The following DTX3L variants were observed in gnomAD, a reference collection of about 807,000 sequenced individuals.
DTX3L encodes deltex E3 ubiquitin ligase 3L.
In DTX3L, 34 loss-of-function variants were observed where a neutral mutation model predicts 60.9. The observed-to-expected ratio is 0.56, with a 90% CI of 0.42 to 0.74. The LOEUF is 0.74. DTX3L is among the 30% of genes least tolerant of loss of function. The probability of loss-of-function intolerance (pLI) is 0.00; values close to 1 mark genes in which losing one functional copy is unlikely to be tolerated. For synonymous variants in DTX3L, 290 were observed against 316.6 expected (o/e 0.92, Z 0.89); for missense variants, 810 against 874.0 (o/e 0.93, Z 0.92).
chr3:122,566,702 G>T (rs1201728901), intron 2 of DTX3L, among the ~76,000 whole-genome samples: 1 of 152,076 alleles, frequency 6.6e-6, no homozygotes, highest in African/African-American at 2.4e-5. Context: ...CAACTTGACT[G>T]AGGAGGTGAT....
chr3:122,569,750 A>G lies in DTX3L; in HGVS notation c.1661A>G (p.Asp554Gly). Reference protein sequence around the residue: ...GSVSSEASELDKKEKGICVIC... With the variant: ...GSVSSEASELGKKEKGICVIC... ...GTGAGTTCTGAGGCCTCAGAACTGG[A>G]CAAGAAGGAAAAGGGCATCTGTGTC... The change falls in exon 3 of 5, where the codon GAC becomes GGC. Residue 554 changes from aspartate (D) to glycine (G), a missense_variant. Coordinates refer to ENST00000296161, the MANE Select transcript of DTX3L (RefSeq NM_138287.3). 1 of 1,614,144 alleles carries G rather than the reference A, an allele frequency of 6.2e-7. No individual in the cohort carries two copies. The highest frequency in any genetic ancestry group is 8.5e-7 in the Non-Finnish European group (1 of 1,180,012).
At position 122,568,694 on chromosome 3, in the gene DTX3L, C is replaced by T; in HGVS notation, c.605C>T (p.Ser202Phe). Residue 202 changes from serine to phenylalanine, a missense_variant, in exon 3 of 5, where the codon TCC becomes TTC. Physicochemically the swap from Ser to Phe is radical, Grantham distance 155. Coordinates refer to ENST00000296161, the MANE Select transcript of DTX3L (RefSeq NM_138287.3). Reference sequence around the variant, plus strand: ...GAAAGTGAGCAGAAACAACAATTTTCCCCTTCAATGACAGAGAGGAAGCCA... The same window carrying T: ...GAAAGTGAGCAGAAACAACAATTTTTCCCTTCAATGACAGAGAGGAAGCCA... ...FLESEQKQQFSPSMTERKPLS... is the reference protein window; with the variant it reads ...FLESEQKQQFFPSMTERKPLS... 6.2e-7 allele frequency: 1 copy of T among 1,614,172 alleles called. No individual in the cohort carries two copies. The highest frequency in any genetic ancestry group is 8.5e-7 in the Non-Finnish European group (1 of 1,180,036).
chr3:122,564,411 C>T lies in DTX3L; in HGVS notation c.-16C>T, dbSNP rs1386197525. The T allele has an allele frequency of 6.2e-7, 1 of 1,602,134 alleles. No individual in the cohort carries two copies. The highest frequency in any genetic ancestry group is 8.5e-7 in the Non-Finnish European group (1 of 1,175,014). ...CTGCCTCCCGGAGCCCCCGCGCCCT[C>T]CCGACGCGCAGAGCCATGGCCTCCC... On this transcript the variant is annotated 5_prime_UTR_variant, in exon 1 of 5. Transcript: ENST00000296161.
Position 122,573,269 on chromosome 3 carries a change from GA to G in DTX3L, c.*1523del, listed in dbSNP as rs1246673344. Reference sequence around the variant, plus strand: ...CCCGTTAGGCTTCACCTCCAACACTGAGGATCAAATTTCAACATGAGATTTG... The same window carrying G: ...CCCGTTAGGCTTCACCTCCAACACTGGGATCAAATTTCAACATGAGATTTG... On this transcript the variant is annotated 3_prime_UTR_variant, in exon 5 of 5. Coordinates refer to ENST00000296161, the MANE Select transcript of DTX3L (RefSeq NM_138287.3). The G allele has an allele frequency of 6.6e-6, 1 of 152,202 alleles. No individual in the cohort carries two copies. The allele number at this position is 152,202 out of a possible 1,614,324, so 9.4% of individuals were successfully genotyped here.
At chr3:122,565,367 C>T (rs1427124011) in intron 1 of DTX3L, among the ~76,000 whole-genome samples, 1 of 151,698 alleles carries the variant, frequency 6.6e-6, no homozygotes, top group African/African-American at 2.4e-5. Flanking sequence ...CAAAAATTAC[C>T]CGGGCATGGT....
intron 2 of DTX3L, among the ~76,000 whole-genome samples, chr3:122,567,618 A>G (rs187813686): frequency 6.6e-6 from 1 of 152,208 alleles, no homozygotes; most frequent in East Asian, 1.9e-4. Context: ...ACAACTTTGC[A>G]TGCAGTCGAG....
rs1373763460 is a variant in DTX3L, at chr3:122,565,961, C to A, written c.290C>A (p.Thr97Lys). 1.2e-6 allele frequency: 2 copies of A among 1,614,164 alleles called. No individual in the cohort carries two copies. The highest frequency in any genetic ancestry group is 2.2e-5 in the South Asian group (2 of 91,088). ...ACTGAAAATTCAATAAAGAAGAACA[C>A]GAGACCTCAAATTTCTTCACTGACA... Reference protein sequence around the residue: ...VPTENSIKKNTRPQISSLTQS... With the variant: ...VPTENSIKKNKRPQISSLTQS... Residue 97 changes from threonine (T) to lysine (K), a missense_variant, in exon 2 of 5, where the codon ACG becomes AAG. Coordinates refer to ENST00000296161, the MANE Select transcript of DTX3L (RefSeq NM_138287.3).
chr3:122,568,671 A>AATTTTTG lies in DTX3L; in HGVS notation c.583_584insTTTTTGA (p.Ser195IlefsTer4). The AATTTTTG allele has an allele frequency of 1.9e-6, 3 of 1,614,208 alleles. No homozygotes were observed. Among genetic ancestry groups the AATTTTTG allele is most frequent in the Non-Finnish European group, 2.5e-6 (3 of 1,180,040 alleles). ...AATTTTTGAGTGAGCAGTTCCTGGAAAGTGAGCAGAAACAACAATTTTCCC... is the reference window on the plus strand; with the variant it reads ...AATTTTTGAGTGAGCAGTTCCTGGAAATTTTTGAGTGAGCAGAAACAACAATTTTCCC... On this transcript the variant is annotated frameshift_variant, in exon 3 of 5. Transcript: ENST00000296161. LOFTEE classifies it high-confidence loss of function.
In DTX3L at chr3:122,565,894, A is replaced by G. The variant is rs1475247988; in HGVS notation, c.223A>G (p.Ile75Val). The change falls in exon 2 of 5, where the codon ATA becomes GTA. Residue 75 changes from isoleucine to valine, a missense_variant. Physicochemically the swap from Ile to Val is conservative, Grantham distance 29. Transcript: ENST00000296161. Reference protein sequence around the residue: ...ERVLKKGEHQILVDEKPVPIF... With the variant: ...ERVLKKGEHQVLVDEKPVPIF... The stretch of plus-strand genomic sequence containing the variant: ...AGTGTTGAAAAAAGGAGAGCACCAA[A>G]TACTTGTTGACGAAAAACCTGTGCC... 1 of 1,614,030 alleles carries G rather than the reference A, an allele frequency of 6.2e-7. No individual in the cohort carries two copies. Among genetic ancestry groups the G allele is most frequent in the Non-Finnish European group, 8.5e-7 (1 of 1,180,040 alleles).
At chr3:122,564,977 T>A (rs1333005446) in intron 1 of DTX3L, among the ~76,000 whole-genome samples, 2 of 152,230 alleles carry the variant, frequency 1.3e-5, no homozygotes, top group Non-Finnish European at 2.9e-5. Context: ...GTTCCATTGT[T>A]CCATCCATGA....
chr3:122,569,790 C>A lies in DTX3L; in HGVS notation c.1701C>A (p.Thr567=), dbSNP rs756867563. 14 of 1,613,988 alleles carry A rather than the reference C, an allele frequency of 8.7e-6. No individual in the cohort carries two copies. The South Asian group carries it at 1.5e-4, about 18-fold the overall frequency. Reference sequence around the variant, plus strand: ...GCATCTGTGTCATCTGTATGGACACCATTAGTAACAAAAAAGTGCTACCAA... The same window carrying A: ...GCATCTGTGTCATCTGTATGGACACAATTAGTAACAAAAAAGTGCTACCAA... ...EKGICVICMD[T]ISNKKVLPKC... The change falls in exon 3 of 5, where the codon ACC becomes ACA. Residue 567 remains threonine, a synonymous_variant. Coordinates refer to ENST00000296161, the MANE Select transcript of DTX3L (RefSeq NM_138287.3).
chr3:122,570,951 C>T (rs775546230), intron 4 of DTX3L, among the ~76,000 whole-genome samples: 10 of 152,082 alleles, frequency 6.6e-5, no homozygotes, highest in Admixed American at 2.6e-4. Flanking sequence ...TAATTTGAGG[C>T]GTTGTGTCTA....
chr3:122,571,440 T>C (rs1292843621), intron 4 of DTX3L, among the ~76,000 whole-genome samples: 1 of 152,178 alleles, frequency 6.6e-6, no homozygotes, highest in East Asian at 1.9e-4. Flanking sequence ...TATTAATACT[T>C]TGTAGTTGGC....
At chr3:122,566,422 A>G (rs959465653) in intron 2 of DTX3L, among the ~76,000 whole-genome samples, 2 of 152,138 alleles carry the variant, frequency 1.3e-5, no homozygotes, top group African/African-American at 4.8e-5. Flanking sequence ...GCTGGAGTAC[A>G]GTGGCACAAT....
intron 2 of DTX3L, among the ~76,000 whole-genome samples, 179 bp from the exon 3 acceptor site, chr3:122,568,310 G>GAAAGAAAT: frequency 6.7e-6 from 1 of 148,442 alleles, no homozygotes; most frequent in African/African-American, 2.5e-5. Flanking sequence ...ACTCCATCTT[G>GAAAGAAAT]AAATAAATAA....
rs1163636678 is a variant in DTX3L, at chr3:122,573,173, G to C, written c.*1426G>C. On this transcript the variant is annotated 3_prime_UTR_variant, in exon 5 of 5. Coordinates refer to ENST00000296161, the MANE Select transcript of DTX3L (RefSeq NM_138287.3). ...TAACAAGCAGTTCTTCAGGAACTAAGAGTGAGTCACTCCCATGAGAACAGC... is the reference window on the plus strand; with the variant it reads ...TAACAAGCAGTTCTTCAGGAACTAACAGTGAGTCACTCCCATGAGAACAGC... 6.6e-6 allele frequency: 1 copy of C among 152,126 alleles called. No individual in the cohort carries two copies. The highest frequency in any genetic ancestry group is 2.4e-5 in the African/African-American group (1 of 41,430). The allele number at this position is 152,126 out of a possible 1,614,324, so 9.4% of individuals were successfully genotyped here. A position where few individuals can be genotyped will look rare whatever the true frequency, so the allele number is the denominator to read the frequency against.
Position 122,573,805 on chromosome 3 carries a change from C to A in DTX3L, c.*2058C>A, listed in dbSNP as rs781012233. On this transcript the variant is annotated 3_prime_UTR_variant, in exon 5 of 5. Transcript: ENST00000296161. ...ATTTTATATTTTTGAGTATACCCCACTTCCAAGTGTTTTTTGTTTTGTTTT... is the reference window on the plus strand; with the variant it reads ...ATTTTATATTTTTGAGTATACCCCAATTCCAAGTGTTTTTTGTTTTGTTTT... The A allele has an allele frequency of 6.6e-6, 1 of 152,270 alleles. No individual in the cohort carries two copies. Among genetic ancestry groups the A allele is most frequent in the South Asian group, 2.1e-4 (1 of 4,824 alleles). 9.4% of individuals were successfully genotyped at this position (152,270 alleles called of 1,614,324 possible). A position where few individuals can be genotyped will look rare whatever the true frequency, so the allele number is the denominator to read the frequency against.
chr3:122,571,108 G>A (rs2080642466), intron 4 of DTX3L, among the ~76,000 whole-genome samples: 1 of 151,912 alleles, frequency 6.6e-6, no homozygotes. Context: ...GGAGACTATT[G>A]GTAGAAACTG....
In DTX3L at chr3:122,569,024, T is replaced by C. The variant is rs1376064360; in HGVS notation, c.935T>C (p.Leu312Ser). The change falls in exon 3 of 5, where the codon TTA becomes TCA. Residue 312 changes from leucine to serine, a missense_variant. Leu to Ser is a moderately radical substitution (Grantham distance 145). Transcript: ENST00000296161. ...CCTCTGAAGCAAGAATGTGTCTCTT[T>C]AGCAGACAGTAAGCAGGCAAATAAA... ...TEPLKQECVS[L>S]ADSKQANKFK... The C allele has an allele frequency of 2.5e-6, 4 of 1,614,056 alleles. No individual in the cohort carries two copies. Among genetic ancestry groups the C allele is most frequent in the South Asian group, 1.1e-5 (1 of 91,084 alleles).
Sources: allele counts gnomAD v4.1 joint callset (sites outside exome capture counted in the v4.1 genomes callset), GRCh38; gene constraint gnomAD v4.1.1; transcripts MANE v1.5; gene names NCBI Gene and HGNC (gene_info 2026-07-23, HGNC 2026-07-21).